The following PRKG1 variants were observed in gnomAD, a reference collection of about 807,000 sequenced individuals.
PRKG1 encodes the protein protein kinase cGMP-dependent 1, also known as cGMP-dependent protein kinase 1.
Under a neutral mutation model 88.1 loss-of-function variants are expected in PRKG1, and 35 were observed. That is an observed-to-expected ratio of 0.40 (90% CI 0.30 to 0.53). The LOEUF (loss-of-function observed/expected upper bound fraction) is 0.53. Ranked by LOEUF, PRKG1 falls within the 20% of genes least tolerant of loss-of-function variation. PRKG1 has a pLI of 0.59. For synonymous variants in PRKG1, 303 were observed against 292.5 expected (o/e 1.04, Z -0.37); for missense variants, 540 against 839.8 (o/e 0.64, Z 4.41).
rs185441340 is a variant in PRKG1, at chr10:51,920,671, G to A, written c.762+13101G>A. ...TTAATTGTGGTTCAATCATTCCTTA[G>A]CTATGTGATCTTGAGCAAGTTACTT... On this transcript the variant is annotated intron_variant, in intron 5 of 17. Transcript: ENST00000373980. 2.5e-3 allele frequency among the ~76,000 whole-genome samples: 378 copies of A among 152,192 alleles called. 4 individuals are homozygous for A. Among genetic ancestry groups the A allele is most frequent in the African/African-American group, 8.8e-3 (365 of 41,546 alleles).
At chr10:51,734,833 G>T (rs1348621281) in intron 3 of PRKG1, among the ~76,000 whole-genome samples, 2 of 152,040 alleles carry the variant, frequency 1.3e-5, no homozygotes, top group Non-Finnish European at 2.9e-5. Context: ...CTGAAAATGG[G>T]CTATTGTTCT....
At chr10:51,447,429 C>G (rs547374940) in intron 2 of PRKG1, among the ~76,000 whole-genome samples, 1 of 152,156 alleles carries the variant, frequency 6.6e-6, no homozygotes, top group Admixed American at 6.6e-5. Flanking sequence ...GAGTTTAGCT[C>G]TGACCAGTCT....
chr10:51,347,910 A>C (rs944333132), intron 2 of PRKG1, among the ~76,000 whole-genome samples: 2 of 152,108 alleles, frequency 1.3e-5, no homozygotes, highest in Admixed American at 6.5e-5. Flanking sequence ...AAATACAAAA[A>C]AAATTAGCCG....
chr10:51,329,930 CTTTTTTT>C (rs201514807), intron 2 of PRKG1, among the ~76,000 whole-genome samples: 1 of 132,072 alleles, frequency 7.6e-6, no homozygotes, highest in Non-Finnish European at 1.6e-5. Flanking sequence ...TTAGGGAAAT[CTTTTTTT>C]TTTTTTTTGG....
intron 2 of PRKG1, among the ~76,000 whole-genome samples, chr10:51,248,977 A>G (rs1387096092): frequency 6.6e-6 from 1 of 151,892 alleles, no homozygotes; most frequent in African/African-American, 2.4e-5. Context: ...CAGATTACAG[A>G]CAAAATTAAG....
Position 51,881,701 on chromosome 10 carries a change from G to A in PRKG1, c.699-25806G>A, listed in dbSNP as rs149275266. Among the ~76,000 whole-genome samples the A allele has an allele frequency of 5.2e-3, 793 of 152,184 alleles. 10 individuals carry two copies. The highest frequency in any genetic ancestry group is 0.018 in the African/African-American group (754 of 41,520). The stretch of plus-strand genomic sequence containing the variant: ...GAGTTGTGCTAAGCCTTTAGACAGC[G>A]GAAGGAAAAGATTTGTTTTGAGGCA... On this transcript the variant is annotated intron_variant, in intron 4 of 17. Transcript: ENST00000373980.
chr10:52,022,236 C>T (rs781198606), intron 5 of PRKG1, among the ~76,000 whole-genome samples: 2 of 152,126 alleles, frequency 1.3e-5, no homozygotes, highest in Non-Finnish European at 2.9e-5. Context: ...AGTTATGATG[C>T]TTGGTAGGTT....
chr10:52,249,858 C>A (rs1259971110), intron 9 of PRKG1, among the ~76,000 whole-genome samples: 3 of 151,952 alleles, frequency 2.0e-5, no homozygotes, highest in South Asian at 2.1e-4. Flanking sequence ...AAACAAAAAA[C>A]CAAAAAAACA....
rs535486166 is a variant in PRKG1, at chr10:51,392,719, C to T, written c.479-75004C>T. ...CCCAGTAGGGGCGGCCGGGCAGAGG[C>T]GCCCCTCACCTCCCGGACGGGGCGG... On this transcript the variant is annotated intron_variant, in intron 2 of 17. Transcript: ENST00000373980. Among the ~76,000 whole-genome samples, 13 of 150,168 alleles carry T rather than the reference C, an allele frequency of 8.7e-5. No homozygotes were observed. The East Asian group carries it at 1.2e-3, about 14-fold the overall frequency.
intron 3 of PRKG1, among the ~76,000 whole-genome samples, chr10:51,714,014 C>T (rs934709326): frequency 6.6e-6 from 1 of 152,192 alleles, no homozygotes; most frequent in Admixed American, 6.5e-5. Context: ...GAGTCTCACT[C>T]TGTTGCCCAG....
At chr10:52,237,222 G>C (rs1840710759) in intron 9 of PRKG1, among the ~76,000 whole-genome samples, 2 of 142,234 alleles carry the variant, frequency 1.4e-5, no homozygotes, top group African/African-American at 5.4e-5. Flanking sequence ...ATACTGAATG[G>C]GCAAAAACTG....
chr10:51,528,637 G>T (rs1369605077), intron 3 of PRKG1, among the ~76,000 whole-genome samples: 3 of 147,328 alleles, frequency 2.0e-5, no homozygotes, highest in African/African-American at 7.5e-5. Flanking sequence ...GGCCTTCAAA[G>T]TTTAAACAGG....
intron 5 of PRKG1, among the ~76,000 whole-genome samples, chr10:51,997,469 CA>C (rs200543963): frequency 0.18 from 12,640 of 71,512 alleles, 1,419 homozygotes; most frequent in African/African-American, 0.38. Context: ...GACTCTGTCT[CA>C]AAAAAAAAAA....
chr10:51,574,059 G>A (rs1045951855), intron 3 of PRKG1, among the ~76,000 whole-genome samples: 1 of 151,876 alleles, frequency 6.6e-6, no homozygotes. Flanking sequence ...CTTTACTGTC[G>A]ATCAGTTCTG....
At chr10:52,272,595 TATATTTCA>T (rs1257500866) in intron 12 of PRKG1, 114 bp downstream of exon 12, 7 of 745,610 alleles carry the variant, frequency 9.4e-6, no homozygotes, top group Non-Finnish European at 1.6e-5. Flanking sequence ...TACACATGCT[TATATTTCA>T]ATATTTAAAG....
At chr10:51,510,813 G>A (rs1008689552) in intron 3 of PRKG1, among the ~76,000 whole-genome samples, 4 of 148,530 alleles carry the variant, frequency 2.7e-5, no homozygotes, top group African/African-American at 7.5e-5. Context: ...GTGCAATCTC[G>A]GCTCACTGCA....
chr10:51,847,840 TAAAAAAA>T (rs766423513), intron 4 of PRKG1, among the ~76,000 whole-genome samples: 604 of 35,012 alleles, frequency 0.017, 2 homozygotes, highest in Non-Finnish European at 0.02. Context: ...AAGACTCTGT[TAAAAAAA>T]AAAAAAAAAA....
intron 9 of PRKG1, among the ~76,000 whole-genome samples, chr10:52,190,005 G>T (rs1466766729): frequency 2.6e-5 from 4 of 152,124 alleles, no homozygotes; most frequent in Non-Finnish European, 5.9e-5. Flanking sequence ...GTTTATCTGT[G>T]TATTTATTGG....
At chr10:51,169,387 C>A (rs920171676) in intron 2 of PRKG1, among the ~76,000 whole-genome samples, 2 of 152,080 alleles carry the variant, frequency 1.3e-5, no homozygotes, top group African/African-American at 4.8e-5. Context: ...ATGCATTTTG[C>A]AAAGAGCTTT....
Sources: allele counts gnomAD v4.1 joint callset (sites outside exome capture counted in the v4.1 genomes callset), GRCh38; gene constraint gnomAD v4.1.1; transcripts MANE v1.5; gene names NCBI Gene and HGNC (gene_info 2026-07-23, HGNC 2026-07-21).